ANKMY1: variants seen among roughly 807,000 people sequenced by gnomAD.
ANKMY1 encodes ankyrin repeat and MYND domain containing 1.
ANKMY1 carries 98 observed loss-of-function variants against 102.0 expected under a neutral mutation model. The ratio of observed to expected loss-of-function variants is 0.96; its 90% CI spans 0.82 to 1.14. The LOEUF is 1.14. Ranked by LOEUF, ANKMY1 falls within the 50% of genes most tolerant of loss-of-function variation. ANKMY1 has a pLI of 0.00. For synonymous variants in ANKMY1, 582 were observed against 559.9 expected (o/e 1.04, Z -0.56); for missense variants, 1,330 against 1,347.6 (o/e 0.99, Z 0.20).
intron 12 of ANKMY1, 126 bp downstream of exon 12, chr2:240,509,222 T>C (rs897656509): frequency 1.4e-6 from 1 of 724,788 alleles, no homozygotes. Context: ...GGTGGATGGA[T>C]GAATGGATGG....
intron 4 of ANKMY1, among the ~76,000 whole-genome samples, chr2:240,539,113 A>T (rs952308301): frequency 6.6e-6 from 1 of 152,224 alleles, no homozygotes; most frequent in African/African-American, 2.4e-5. Context: ...GTGGCAACCC[A>T]CTGGGGTCCC....
intron 1 of ANKMY1, 125 bp from the exon 2 acceptor site, chr2:240,557,477 G>T (rs776560205): frequency 8.3e-5 from 96 of 1,161,560 alleles, no homozygotes; most frequent in Non-Finnish European, 1.0e-4. Flanking sequence ...GAACCGCGCC[G>T]GAGCCTGGGC....
rs997868911 is a variant in ANKMY1 at position 240,499,827 on chromosome 2, G to A, written c.2806+131C>T. ...GGACGACGGGACACAAAGGGGACAA[G>A]CCGACGAGCCCAGCCCCAGGAAGGC... is the stretch of plus-strand genomic sequence containing the variant. On this transcript the variant is annotated intron_variant, in intron 15 of 17. Transcript: ENST00000401804. The surrounding 1 kb of genome is among the most constrained non-coding windows in gnomAD (Gnocchi z 4.2). 2.0e-5 allele frequency: 24 copies of A among 1,214,818 alleles called. No individual in the cohort carries two copies. The highest frequency in any genetic ancestry group is 5.6e-6 in the Non-Finnish European group (5 of 896,372). 75.3% of individuals were successfully genotyped at this position (1,214,818 alleles called of 1,614,324 possible). A position where few individuals can be genotyped will look rare whatever the true frequency, so the allele number is the denominator to read the frequency against.
At chr2:240,521,448 C>T (rs1575123316) in intron 8 of ANKMY1, among the ~76,000 whole-genome samples, 1 of 147,456 alleles carries the variant, frequency 6.8e-6, no homozygotes, top group South Asian at 2.2e-4. Context: ...TTGTTGGTCT[C>T]GCTGACTTCA....
At chr2:240,519,928 A>G (rs1469902268) in intron 9 of ANKMY1, 5 of 280,664 alleles carry the variant, frequency 1.8e-5, no homozygotes, top group South Asian at 3.2e-5. Flanking sequence ...TCTCAGCTAA[A>G]TATTTTGCGG....
chr2:240,492,354 C>A (rs1205859342), intron 15 of ANKMY1, among the ~76,000 whole-genome samples: 1 of 152,196 alleles, frequency 6.6e-6, no homozygotes, highest in Admixed American at 6.5e-5. Context: ...CAATAATTTG[C>A]AAATTTAGTT....
rs974736139 is a variant in ANKMY1, at chr2:240,482,436, T to C, written c.2807-175A>G. Reference sequence around the variant, plus strand: ...GGGTGCGAGGACGCAGAGCGGGATGTGGACCTGGAGGCGCAGGGCAGTCCA... The same window carrying C: ...GGGTGCGAGGACGCAGAGCGGGATGCGGACCTGGAGGCGCAGGGCAGTCCA... On this transcript the variant is annotated intron_variant, in intron 15 of 17. Transcript: ENST00000401804. Among the ~76,000 whole-genome samples, 5 of 152,322 alleles carry C rather than the reference T, an allele frequency of 3.3e-5. 1 individual carries two copies. Among genetic ancestry groups the C allele is most frequent in the African/African-American group, 9.6e-5 (4 of 41,580 alleles).
chr2:240,493,283 T>C (rs1344015156), intron 15 of ANKMY1, among the ~76,000 whole-genome samples: 1 of 152,148 alleles, frequency 6.6e-6, no homozygotes, highest in African/African-American at 2.4e-5. Flanking sequence ...GCTGAGATTG[T>C]GCCACTGTAC....
chr2:240,534,956 G>A (rs1175108530), intron 4 of ANKMY1, among the ~76,000 whole-genome samples: 4 of 152,162 alleles, frequency 2.6e-5, no homozygotes, highest in Non-Finnish European at 4.4e-5. Flanking sequence ...AAAATTATCA[G>A]GGTGTGATGG....
At position 240,503,787 on chromosome 2, in the gene ANKMY1, G is replaced by A. The variant is rs73105914; in HGVS notation, c.2527-3222C>T. Reference sequence around the variant, plus strand: ...GTCCTAAACCCCGGGATCTGTGAACGTGACTTTATTTGGACATAGGGTCGT... The same window carrying A: ...GTCCTAAACCCCGGGATCTGTGAACATGACTTTATTTGGACATAGGGTCGT... On this transcript the variant is annotated intron_variant, in intron 13 of 17. Coordinates refer to ENST00000401804, the MANE Select transcript of ANKMY1 (RefSeq NM_001282771.3). Among the ~76,000 whole-genome samples the A allele has an allele frequency of 6.2e-3, 942 of 152,334 alleles. 11 individuals carry two copies. Among genetic ancestry groups the A allele is most frequent in the African/African-American group, 0.022 (897 of 41,578 alleles).
chr2:240,497,588 A>T (rs911823386), intron 15 of ANKMY1, among the ~76,000 whole-genome samples: 1 of 152,172 alleles, frequency 6.6e-6, no homozygotes, highest in Non-Finnish European at 1.5e-5. Context: ...ACTTGTTATG[A>T]CCACAGGAAG....
chr2:240,560,657 C>T, upstream of ANKMY1: 1 of 1,489,866 alleles, frequency 6.7e-7, no homozygotes, highest in Non-Finnish European at 8.8e-7. Flanking sequence ...ATCCTCAGGG[C>T]CCAAAAGCAG....
At chr2:240,514,069 C>T (rs949991094) in intron 9 of ANKMY1, among the ~76,000 whole-genome samples, 7 of 152,236 alleles carry the variant, frequency 4.6e-5, no homozygotes, top group Non-Finnish European at 7.3e-5. Flanking sequence ...CCGGAGGCCA[C>T]ACCCTCCTTA....
rs191901490 is a variant in ANKMY1, at chr2:240,533,197, A to G, written c.481-3688T>C. Among the ~76,000 whole-genome samples, 334 of 152,392 alleles carry G rather than the reference A, an allele frequency of 2.2e-3. 1 individual carries two copies. The highest frequency in any genetic ancestry group is 7.7e-3 in the African/African-American group (320 of 41,602). ...TGCTAAAATAATAGAAAAAGAGTGTATAACTTTGAAACTGATAATGTGAAA... is the reference window on the plus strand; with the variant it reads ...TGCTAAAATAATAGAAAAAGAGTGTGTAACTTTGAAACTGATAATGTGAAA... On this transcript the variant is annotated intron_variant, in intron 4 of 17. Coordinates refer to ENST00000401804, the MANE Select transcript of ANKMY1 (RefSeq NM_001282771.3).
intron 11 of ANKMY1, among the ~76,000 whole-genome samples, chr2:240,510,356 C>T (rs2079941541): frequency 6.6e-6 from 1 of 151,916 alleles, no homozygotes; most frequent in African/African-American, 2.4e-5. Context: ...GCCTCCCTGA[C>T]TCCTCCCTGG....
chr2:240,511,465 G>A (rs543423816), intron 11 of ANKMY1, among the ~76,000 whole-genome samples: 14 of 152,264 alleles, frequency 9.2e-5, no homozygotes, highest in Admixed American at 3.3e-4. Flanking sequence ...AGGAGGCAGC[G>A]GCCACAGGGC....
intron 3 of ANKMY1, 107 bp downstream of exon 3, chr2:240,554,759 T>C (rs1416205090): frequency 2.3e-6 from 3 of 1,322,458 alleles, no homozygotes; most frequent in Admixed American, 2.1e-5. Flanking sequence ...CCTAGCACCC[T>C]TCCTGTTGAT....
At chr2:240,515,761 A>C (rs1347769604) in intron 9 of ANKMY1, among the ~76,000 whole-genome samples, 1 of 152,054 alleles carries the variant, frequency 6.6e-6, no homozygotes, top group Non-Finnish European at 1.5e-5. Flanking sequence ...ACCATTGCCC[A>C]GGCTGGAGTG....
At chr2:240,546,267 A>G (rs1269399493) in intron 4 of ANKMY1, among the ~76,000 whole-genome samples, 1 of 150,494 alleles carries the variant, frequency 6.6e-6, no homozygotes, top group Non-Finnish European at 1.5e-5. Context: ...ACTAAGCTTC[A>G]TAAGTGAAGG....
Sources: gnomAD v4.1 joint callset for allele counts (sites outside exome capture counted in the v4.1 genomes callset) on GRCh38, gnomAD v4.1.1 for gene constraint, Gnocchi (gnomAD v3.1) non-coding constraint, MANE v1.5 for transcripts, NCBI Gene and HGNC (gene_info 2026-07-23, HGNC 2026-07-21) for gene names.